Variants in ARHGAP29 observed in about 807,000 individuals in gnomAD.
ARHGAP29 encodes Rho GTPase activating protein 29, also known as rho GTPase-activating protein 29.
Under a neutral mutation model 122.6 loss-of-function variants are expected in ARHGAP29, and 43 were observed. The ratio of observed to expected loss-of-function variants is 0.35; its 90% CI spans 0.27 to 0.45. The LOEUF is 0.45. ARHGAP29 is among the 20% of genes least tolerant of loss of function. ARHGAP29 has a pLI of 1.00. For missense variants in ARHGAP29, 1,303 were observed against 1,477.2 expected (o/e 0.88, Z 1.93); for synonymous variants, 506 against 497.1 (o/e 1.02, Z -0.24).
chr1:94,177,230 T>C (rs2150271), intron 22 of ARHGAP29: 147,205 of 156,174 alleles, frequency 0.94, 70,044 homozygotes, highest in East Asian at 1. Context: ...AGGAGTCTAG[T>C]TGACTCTGTA....
the ARHGAP29 span, among the ~76,000 whole-genome samples, chr1:94,285,466 G>C: frequency 6.6e-6 from 1 of 152,308 alleles, no homozygotes; most frequent in South Asian, 2.1e-4. Flanking sequence ...GGAAGCTATG[G>C]ATATAAGGAG....
chr1:94,179,171 C>G (rs1011515176), intron 20 of ARHGAP29, among the ~76,000 whole-genome samples: 1 of 152,200 alleles, frequency 6.6e-6, no homozygotes, highest in Non-Finnish European at 1.5e-5. Flanking sequence ...ACACAGGAGG[C>G]ATCTGAGGGA....
chr1:94,298,611 T>G, the ARHGAP29 span, among the ~76,000 whole-genome samples: 1 of 152,212 alleles, frequency 6.6e-6, no homozygotes, highest in African/African-American at 2.4e-5. Flanking sequence ...TTAAAAGTTG[T>G]TTTTGGTTTT....
At chr1:94,277,235 T>A (rs955593829), upstream of ARHGAP29, among the ~76,000 whole-genome samples, 2 of 152,212 alleles carry the variant, frequency 1.3e-5, no homozygotes, top group African/African-American at 4.8e-5. Context: ...TAAAATAGTG[T>A]TGCCATTCTC....
At chr1:94,243,694 C>A (rs750017727) in intron 1 of ARHGAP29, among the ~76,000 whole-genome samples, 13 of 151,760 alleles carry the variant, frequency 8.6e-5, no homozygotes, top group Non-Finnish European at 1.8e-4. Flanking sequence ...ATGATAAGAA[C>A]AGAAATCAGT....
intron 1 of ARHGAP29, among the ~76,000 whole-genome samples, chr1:94,247,480 G>A (rs550225717): frequency 6.6e-6 from 1 of 151,518 alleles, no homozygotes; most frequent in South Asian, 2.1e-4. Flanking sequence ...ACCCTGGACG[G>A]CAACTAGCCG....
chr1:94,302,459 G>A, the ARHGAP29 span: 21 of 357,546 alleles, frequency 5.9e-5, no homozygotes, highest in South Asian at 4.3e-4. Flanking sequence ...AAGATCATCA[G>A]CAATGCCTCC....
At chr1:94,236,093 G>A in intron 1 of ARHGAP29, among the ~76,000 whole-genome samples, 1 of 152,182 alleles carries the variant, frequency 6.6e-6, no homozygotes, top group East Asian at 1.9e-4. Context: ...ATGCTAAAAA[G>A]ATTAGATGAG....
At chr1:94,309,957 T>C in the ARHGAP29 span, among the ~76,000 whole-genome samples, 1 of 152,280 alleles carries the variant, frequency 6.6e-6, no homozygotes, top group South Asian at 2.1e-4. Context: ...CAGTAAACAT[T>C]TGTGGTTGCT....
chr1:94,231,697 A>C, intron 1 of ARHGAP29, 54 bp from the exon 2 acceptor site: 1 of 1,336,918 alleles, frequency 7.5e-7, no homozygotes, highest in Non-Finnish European at 1.0e-6. Flanking sequence ...AAAGAAACAC[A>C]AAAACTAAAT....
chr1:94,258,869 G>A (rs1188371485), intron 1 of ARHGAP29, among the ~76,000 whole-genome samples: 2 of 152,310 alleles, frequency 1.3e-5, no homozygotes, highest in Admixed American at 6.5e-5. Context: ...CTGAACTCAT[G>A]TCAGACTTGA....
intron 7 of ARHGAP29, among the ~76,000 whole-genome samples, chr1:94,204,612 T>C (rs937711457): frequency 1.3e-5 from 2 of 152,234 alleles, no homozygotes; most frequent in Non-Finnish European, 2.9e-5. Context: ...AAAACAATTC[T>C]TGTCTTGCCT....
intron 1 of ARHGAP29, among the ~76,000 whole-genome samples, chr1:94,251,880 T>C (rs1482064593): frequency 6.6e-6 from 1 of 152,232 alleles, no homozygotes; most frequent in Non-Finnish European, 1.5e-5. Context: ...TGACTTGATA[T>C]AGATTTATTG....
At chr1:94,288,816 G>A in the ARHGAP29 span, among the ~76,000 whole-genome samples, 1 of 152,108 alleles carries the variant, frequency 6.6e-6, no homozygotes, top group Non-Finnish European at 1.5e-5. Context: ...GTAGATGTGT[G>A]GTGTTATTTC....
rs1483478475 is a variant in ARHGAP29 at position 94,231,782 on chromosome 1, A to T, written c.-32-139T>A. 4 of 616,028 alleles carry T rather than the reference A, an allele frequency of 6.5e-6. No homozygotes were observed. In the East Asian group the frequency reaches 1.1e-4, roughly 17 times the overall value. The allele number at this position is 616,028 out of a possible 1,614,324, so 38.2% of individuals were successfully genotyped here. On this transcript the variant is annotated intron_variant, in intron 1 of 22. Transcript: ENST00000260526. Reference sequence around the variant, plus strand: ...CTTGGTATCCTATTTTTAAATTTTTAAAAATCAAAAATCAATAATCAATCA... The same window carrying T: ...CTTGGTATCCTATTTTTAAATTTTTTAAAATCAAAAATCAATAATCAATCA...
chr1:94,284,916 C>G, the ARHGAP29 span, among the ~76,000 whole-genome samples: 1 of 152,166 alleles, frequency 6.6e-6, no homozygotes, highest in Non-Finnish European at 1.5e-5. Context: ...GCATTGAACA[C>G]AATACTTCAG....
chr1:94,277,813 T>C (rs574467872), upstream of ARHGAP29, among the ~76,000 whole-genome samples: 4 of 152,320 alleles, frequency 2.6e-5, no homozygotes, highest in East Asian at 7.7e-4. Flanking sequence ...GTGTTTTGCT[T>C]TTCCCTAAGT....
intron 12 of ARHGAP29, chr1:94,190,296 C>T (rs1044806160): frequency 2.3e-6 from 1 of 441,008 alleles, no homozygotes; most frequent in East Asian, 3.8e-5. Context: ...GCAATCATTT[C>T]CAGCAAAACT....
At chr1:94,300,587 C>A in the ARHGAP29 span, among the ~76,000 whole-genome samples, 2 of 152,200 alleles carry the variant, frequency 1.3e-5, no homozygotes, top group Non-Finnish European at 2.9e-5. Context: ...TTACTAATCT[C>A]TATTATCTTC....
Sources: allele counts gnomAD v4.1 joint callset (sites outside exome capture counted in the v4.1 genomes callset), GRCh38; gene constraint gnomAD v4.1.1; transcripts MANE v1.5; gene names NCBI Gene and HGNC (gene_info 2026-07-23, HGNC 2026-07-21).